The following AGBL1 variants were observed in gnomAD, a reference collection of about 807,000 sequenced individuals.
AGBL1 encodes the protein AGBL carboxypeptidase 1, also known as cytosolic carboxypeptidase 4.
Under a neutral mutation model 118.9 loss-of-function variants are expected in AGBL1, and 130 were observed. The ratio of observed to expected loss-of-function variants is 1.09; its 90% CI spans 0.95 to 1.26. The LOEUF is 1.26. AGBL1 is among the 50% of genes most tolerant of loss of function. The pLI is 0.00. For synonymous variants in AGBL1, 555 were observed against 478.9 expected, an observed-to-expected ratio of 1.16 and a Z score of -2.08; for missense variants, 1,584 against 1,298.1, an observed-to-expected ratio of 1.22 and a Z score of -3.38.
intron 18 of AGBL1, among the ~76,000 whole-genome samples, chr15:86,498,583 A>G (rs952860183): frequency 1.3e-5 from 2 of 151,978 alleles, no homozygotes; most frequent in Non-Finnish European, 2.9e-5. Context: ...AAACCCTGTA[A>G]TAATGGAATG....
Position 86,452,020 on chromosome 15 carries a change from A to G in AGBL1, c.2555+54474A>G, listed in dbSNP as rs536700428. 1.5e-3 allele frequency among the ~76,000 whole-genome samples: 225 copies of G among 152,250 alleles called. 6 individuals are homozygous for G. The South Asian group carries it at 0.045, about 30-fold the overall frequency. ...CCAGCTGTTCAATGAATTGGCTCTT[A>G]TATCCTAAAGACAGCCTCAATGGAT... On this transcript the variant is annotated intron_variant, in intron 18 of 22. Coordinates refer to ENST00000614907, the MANE Select transcript of AGBL1 (RefSeq NM_001386094.1).
intron 21 of AGBL1, among the ~76,000 whole-genome samples, chr15:86,673,423 C>A (rs1233794137): frequency 6.6e-6 from 1 of 152,166 alleles, no homozygotes; most frequent in East Asian, 1.9e-4. Flanking sequence ...ACAATGGAGT[C>A]TCTTCTAGTC....
chr15:86,205,425 G>T (rs749357008), intron 5 of AGBL1, among the ~76,000 whole-genome samples: 2 of 152,238 alleles, frequency 1.3e-5, no homozygotes, highest in Non-Finnish European at 2.9e-5. Context: ...TCCATGTGCA[G>T]ATTTTCATGT....
At chr15:86,170,741 G>A (rs1430800520) in intron 5 of AGBL1, among the ~76,000 whole-genome samples, 1 of 151,994 alleles carries the variant, frequency 6.6e-6, no homozygotes, top group Non-Finnish European at 1.5e-5. Context: ...AGCTACTCAG[G>A]AGGCTGAGGC....
At chr15:86,549,330 T>C (rs1489752307) in intron 20 of AGBL1, among the ~76,000 whole-genome samples, 1 of 152,184 alleles carries the variant, frequency 6.6e-6, no homozygotes, top group Non-Finnish European at 1.5e-5. Context: ...GGAAGTCTTA[T>C]GCACTCAAGA....
intron 22 of AGBL1, among the ~76,000 whole-genome samples, chr15:86,726,491 C>T (rs906341301): frequency 6.6e-6 from 1 of 152,178 alleles, no homozygotes; most frequent in Non-Finnish European, 1.5e-5. Flanking sequence ...TGAAGGTTAA[C>T]TTAGGATTGA....
chr15:86,688,943 T>C (rs2086111697), intron 22 of AGBL1, among the ~76,000 whole-genome samples: 1 of 152,158 alleles, frequency 6.6e-6, no homozygotes, highest in South Asian at 2.1e-4. Context: ...TTTAGAATTT[T>C]ATGTCAATGG....
At chr15:86,096,170 G>T (rs1363173476) in intron 1 of AGBL1, among the ~76,000 whole-genome samples, 1 of 151,948 alleles carries the variant, frequency 6.6e-6, no homozygotes, top group Non-Finnish European at 1.5e-5. Flanking sequence ...GTAGCACTTA[G>T]CACATACAGG....
chr15:86,119,601 C>T (rs1016754626), intron 1 of AGBL1, among the ~76,000 whole-genome samples: 2 of 151,940 alleles, frequency 1.3e-5, no homozygotes, highest in Non-Finnish European at 2.9e-5. Context: ...ACATGATGGA[C>T]CCCACAATGG....
At chr15:86,653,343 G>C (rs1021769641) in intron 21 of AGBL1, among the ~76,000 whole-genome samples, 3 of 152,150 alleles carry the variant, frequency 2.0e-5, no homozygotes, top group African/African-American at 7.2e-5. Context: ...GCCACCCGGA[G>C]TACAAGATGC....
At chr15:86,512,344 G>A (rs2142180444) in intron 18 of AGBL1, among the ~76,000 whole-genome samples, 1 of 151,938 alleles carries the variant, frequency 6.6e-6, no homozygotes, top group South Asian at 2.1e-4. Context: ...CTTGAATATT[G>A]ATAAGAATTT....
At chr15:86,842,445 C>T (rs12592224) in intron 22 of AGBL1, among the ~76,000 whole-genome samples, 28,190 of 152,104 alleles carry the variant, frequency 0.19, 2,824 homozygotes, top group Admixed American at 0.27. Context: ...TCTGGCCCAG[C>T]CATGGGGCTG....
intron 18 of AGBL1, among the ~76,000 whole-genome samples, chr15:86,463,774 C>G (rs1462296938): frequency 6.6e-6 from 1 of 151,966 alleles, no homozygotes; most frequent in Non-Finnish European, 1.5e-5. Flanking sequence ...TTTTCCAAGT[C>G]CTCTGTTCTG....
At chr15:86,894,348 A>G (rs770112336) in intron 22 of AGBL1, among the ~76,000 whole-genome samples, 26 of 152,178 alleles carry the variant, frequency 1.7e-4, no homozygotes, top group Non-Finnish European at 3.5e-4. Flanking sequence ...CTAACACCCT[A>G]CTATTGCTGA....
chr15:86,417,243 C>G (rs1342336775), intron 18 of AGBL1, among the ~76,000 whole-genome samples: 2 of 152,192 alleles, frequency 1.3e-5, no homozygotes, highest in African/African-American at 4.8e-5. Context: ...CTCAAAGCTT[C>G]TATCCTTCAT....
intron 21 of AGBL1, among the ~76,000 whole-genome samples, chr15:86,612,479 C>G (rs2142392919): frequency 6.6e-6 from 1 of 152,118 alleles, no homozygotes; most frequent in Admixed American, 6.6e-5. Flanking sequence ...CTCATCACAC[C>G]CTCCTCCCTT....
chr15:86,891,579 GAAAA>G (rs11339441), intron 22 of AGBL1, among the ~76,000 whole-genome samples: 2 of 138,076 alleles, frequency 1.4e-5, no homozygotes, highest in African/African-American at 2.7e-5. Context: ...AAATAATGAG[GAAAA>G]AAAAAAAAAC....
intron 22 of AGBL1, among the ~76,000 whole-genome samples, chr15:86,737,425 C>A (rs1374082895): frequency 6.6e-6 from 1 of 152,150 alleles, no homozygotes. Context: ...AACATCTCTA[C>A]AAAGTGAAGT....
chr15:86,943,486 C>T (rs777157455), intron 23 of AGBL1, among the ~76,000 whole-genome samples: 1 of 152,170 alleles, frequency 6.6e-6, no homozygotes, highest in Non-Finnish European at 1.5e-5. Context: ...GTTTTACAGA[C>T]GACCTTGAGG....
Sources: gnomAD v4.1 joint callset for allele counts (sites outside exome capture counted in the v4.1 genomes callset) on GRCh38, gnomAD v4.1.1 for gene constraint, MANE v1.5 for transcripts, NCBI Gene and HGNC (gene_info 2026-07-23, HGNC 2026-07-21) for gene names.